Variants in IL4R observed in about 807,000 individuals in gnomAD.
The protein encoded by IL4R is interleukin 4 receptor.
A neutral mutation model predicts 41.5 loss-of-function variants in IL4R; 17 were observed. That is an observed-to-expected ratio of 0.41 (90% CI 0.28 to 0.61). IL4R has a LOEUF of 0.61. Among genes scored for constraint, IL4R ranks in the 20% least tolerant of loss-of-function variants. The probability of loss-of-function intolerance (pLI) is 0.31; values close to 1 mark genes in which losing one functional copy is unlikely to be tolerated. For synonymous variants in IL4R, 402 were observed against 422.9 expected, an observed-to-expected ratio of 0.95 and a Z score of 0.61; for missense variants, 974 against 1,043.1, an observed-to-expected ratio of 0.93 and a Z score of 0.91.
At chr16:27,329,411 T>C (rs968973681) in intron 1 of IL4R, among the ~76,000 whole-genome samples, 3 of 152,168 alleles carry the variant, frequency 2.0e-5, no homozygotes, top group African/African-American at 7.2e-5. Flanking sequence ...ACACAGTGGC[T>C]CATGCCTGTA....
At chr16:27,349,324 T>C (rs1159157895) in intron 6 of IL4R, among the ~76,000 whole-genome samples, 4 of 152,184 alleles carry the variant, frequency 2.6e-5, no homozygotes, top group African/African-American at 4.8e-5. Context: ...CAACTGTGGC[T>C]CATACTGAGT....
chr16:27,351,212 G>C (rs3024600), intron 6 of IL4R, among the ~76,000 whole-genome samples: 11,094 of 152,156 alleles, frequency 0.073, 493 homozygotes, highest in Middle Eastern at 0.092. Flanking sequence ...CCTCAGTTTC[G>C]TGCTGGCTGT....
intron 2 of IL4R, among the ~76,000 whole-genome samples, chr16:27,338,615 T>G (rs914942666): frequency 6.6e-6 from 1 of 152,100 alleles, no homozygotes; most frequent in Non-Finnish European, 1.5e-5. Context: ...TGTAGTCATA[T>G]TAAGAGATGG....
chr16:27,358,831 T>C, intron 8 of IL4R, 85 bp from the exon 9 acceptor site: 1 of 957,804 alleles, frequency 1.0e-6, no homozygotes, highest in Admixed American at 1.7e-5. Flanking sequence ...GCCAAATAAG[T>C]ATTGGTGATA....
chr16:27,327,474 C>T (rs1596768823), intron 1 of IL4R, among the ~76,000 whole-genome samples: 1 of 152,118 alleles, frequency 6.6e-6, no homozygotes, highest in East Asian at 1.9e-4. Context: ...GGCGTGTTTT[C>T]CCAGGCCCAT....
At chr16:27,320,952 T>C (rs1433675687) in intron 1 of IL4R, among the ~76,000 whole-genome samples, 2 of 151,330 alleles carry the variant, frequency 1.3e-5, no homozygotes, top group East Asian at 1.9e-4. Context: ...TTCTTTCTTT[T>C]TTTTTTTTTG....
chr16:27,350,928 T>C (rs1182255793), intron 6 of IL4R, among the ~76,000 whole-genome samples: 1 of 152,220 alleles, frequency 6.6e-6, no homozygotes, highest in African/African-American at 2.4e-5. Context: ...AATGTGTGTG[T>C]TCAGTCATCG....
chr16:27,362,709 C>T lies in IL4R; in HGVS notation c.1357C>T (p.Pro453Ser), dbSNP rs972335333. ...MPWDEFPSAG[P>S]KEAPPWGKEQ... is the part of the protein sequence containing the mutation. ...CTGGGATGAGTTCCCAAGTGCAGGGCCCAAGGAGGCACCTCCCTGGGGCAA... is the reference window on the plus strand; with the variant it reads ...CTGGGATGAGTTCCCAAGTGCAGGGTCCAAGGAGGCACCTCCCTGGGGCAA... Residue 453 changes from proline (P) to serine (S), a missense_variant, in exon 11 of 11, where the codon CCC becomes TCC. Around this residue, in one of 3 missense-constraint regions of IL4R, gnomAD observed 682 missense variants for 704.3 expected, o/e 0.97. Transcript: ENST00000395762. 7 of 1,614,154 alleles carry T rather than the reference C, an allele frequency of 4.3e-6. No homozygotes were observed. Among genetic ancestry groups the T allele is most frequent in the Non-Finnish European group, 5.9e-6 (7 of 1,180,014 alleles).
At position 27,333,373 on chromosome 16, in the gene IL4R, C is replaced by T. The variant is rs147618353; in HGVS notation, c.-19+3175C>T. Among the ~76,000 whole-genome samples the T allele has an allele frequency of 8.9e-3, 1,357 of 152,034 alleles. 12 individuals carry two copies. Among genetic ancestry groups the T allele is most frequent in the Middle Eastern group, 0.024 (7 of 294 alleles). On this transcript the variant is annotated intron_variant, in intron 2 of 10. Transcript: ENST00000395762. ...CTCTGCCCGGCTCATTTTATTTCATCTTATTGGGTTCAGCCTGCAGTTTTA... is the reference window on the plus strand; with the variant it reads ...CTCTGCCCGGCTCATTTTATTTCATTTTATTGGGTTCAGCCTGCAGTTTTA...
chr16:27,344,908 G>A lies in IL4R; in HGVS notation c.249G>A (p.Gly83=), dbSNP rs1449024530. Residue 83 remains glycine, a synonymous_variant, in exon 5 of 11, where the codon GGG becomes GGA. Transcript: ENST00000395762. ...TCCCTGAGAACAACGGAGGCGCGGG[G>A]TGCGTGTGCCACCTGCTCATGGATG... The part of the protein sequence containing the change: ...TCIPENNGGA[G]CVCHLLMDDV... 6.2e-7 allele frequency: 1 copy of A among 1,614,230 alleles called. No homozygotes were observed. Among genetic ancestry groups the A allele is most frequent in the Non-Finnish European group, 8.5e-7 (1 of 1,180,040 alleles).
At chr16:27,347,227 G>A (rs1345089580) in intron 6 of IL4R, among the ~76,000 whole-genome samples, 1 of 152,174 alleles carries the variant, frequency 6.6e-6, no homozygotes. Context: ...GTCTCACTCT[G>A]TCACCCAGGG....
chr16:27,349,695 G>A (rs908170286), intron 6 of IL4R, among the ~76,000 whole-genome samples: 2 of 152,190 alleles, frequency 1.3e-5, no homozygotes, highest in Non-Finnish European at 2.9e-5. Context: ...TGCCTACTAT[G>A]TGCCAGGCAC....
At chr16:27,331,285 C>T (rs900690581) in intron 2 of IL4R, among the ~76,000 whole-genome samples, 1 of 152,126 alleles carries the variant, frequency 6.6e-6, no homozygotes, top group Non-Finnish European at 1.5e-5. Context: ...TCTCTGACTT[C>T]TAGACAGATA....
chr16:27,331,959 C>CT (rs1248234904), intron 2 of IL4R, among the ~76,000 whole-genome samples: 4 of 151,698 alleles, frequency 2.6e-5, no homozygotes, highest in Admixed American at 1.3e-4. Context: ...TATAGTGCCA[C>CT]TTTTTTTTAA....
intron 2 of IL4R, among the ~76,000 whole-genome samples, chr16:27,331,110 C>T (rs1351335635): frequency 2.0e-5 from 3 of 152,140 alleles, no homozygotes; most frequent in Non-Finnish European, 4.4e-5. Context: ...AAGCTGCCCA[C>T]TGCTTAGAGG....
intron 3 of IL4R, 75 bp from the exon 4 acceptor site, chr16:27,342,046 T>C: frequency 6.5e-7 from 1 of 1,537,326 alleles, no homozygotes; most frequent in South Asian, 1.2e-5. Context: ...CTATTCCCCT[T>C]GGTCCTGTTT....
At chr16:27,314,175 G>A in intron 1 of IL4R, 155 bp downstream of exon 1, 1 of 912,182 alleles carries the variant, frequency 1.1e-6, no homozygotes, top group Non-Finnish European at 1.3e-6. Flanking sequence ...GGTGCGCGCG[G>A]AGCAGCGCCC....
intron 2 of IL4R, among the ~76,000 whole-genome samples, chr16:27,338,862 A>G (rs2085345631): frequency 6.6e-6 from 1 of 151,716 alleles, no homozygotes; most frequent in African/African-American, 2.4e-5. Flanking sequence ...TTTATTATTT[A>G]TTTATTTTGA....
intron 9 of IL4R, among the ~76,000 whole-genome samples, chr16:27,360,175 A>G (rs1341352887): frequency 6.6e-6 from 1 of 152,060 alleles, no homozygotes; most frequent in Non-Finnish European, 1.5e-5. Context: ...CCACCACGCC[A>G]GGCTAATTTT....
Sources: gnomAD v4.1 joint callset for allele counts (sites outside exome capture counted in the v4.1 genomes callset) on GRCh38, gnomAD v4.1.1 for gene constraint, gnomAD v4.1.1 regional missense constraint, MANE v1.5 for transcripts, NCBI Gene and HGNC (gene_info 2026-07-23, HGNC 2026-07-21) for gene names.